LIMCH1: variants seen among roughly 807,000 people sequenced by gnomAD.
LIMCH1 encodes the protein LIM and calponin homology domains-containing protein 1.
LIMCH1 carries 113 observed loss-of-function variants against 176.5 expected under a neutral mutation model. The ratio of observed to expected loss-of-function variants is 0.64; its 90% CI spans 0.55 to 0.75. The LOEUF (loss-of-function observed/expected upper bound fraction) is 0.75, where lower values mean the gene tolerates loss of function less well. Ranked by LOEUF, LIMCH1 falls within the 30% of genes least tolerant of loss-of-function variation. LIMCH1 has a pLI of 0.00. For missense variants in LIMCH1, 1,674 were observed against 1,814.9 expected, an observed-to-expected ratio of 0.92 and a Z score of 1.41; for synonymous variants, 619 against 645.9, an observed-to-expected ratio of 0.96 and a Z score of 0.63.
chr4:41,423,058 T>G (rs1196983418), intron 1 of LIMCH1, among the ~76,000 whole-genome samples: 1 of 152,152 alleles, frequency 6.6e-6, no homozygotes, highest in Non-Finnish European at 1.5e-5. Flanking sequence ...GTACCCAGCC[T>G]GGGGATTTAA....
intron 2 of LIMCH1, among the ~76,000 whole-genome samples, chr4:41,514,879 C>T (rs751247696): frequency 2.5e-4 from 38 of 152,278 alleles, no homozygotes; most frequent in Non-Finnish European, 5.0e-4. Context: ...TTGTTTAGAA[C>T]TTGGAAGTTA....
chr4:41,631,295 AG>A lies in LIMCH1; in HGVS notation c.1420del (p.Val474Ter), dbSNP rs2093309911. ...GGCAAAAGTTTGTGCACTTTGGGCC[AG>A]TGACGGAGCTAGATCAGCAGAAATG... ...PRQKFVHFGP[V>X]TELDQQKWKR... On this transcript the variant is annotated frameshift_variant, in exon 10 of 32. Coordinates refer to ENST00000503057, the MANE Select transcript of LIMCH1 (RefSeq NM_001330672.2). LOFTEE classifies it high-confidence loss of function. 6.5e-7 allele frequency: 1 copy of A among 1,536,006 alleles called. No homozygotes were observed. The highest frequency in any genetic ancestry group is 1.4e-5 in the African/African-American group (1 of 73,042).
At chr4:41,430,892 T>TG (rs1442399411) in intron 1 of LIMCH1, among the ~76,000 whole-genome samples, 8 of 151,972 alleles carry the variant, frequency 5.3e-5, no homozygotes, top group African/African-American at 1.9e-4. Flanking sequence ...TGTTTTGTTT[T>TG]TTTTTTCTAT....
intron 18 of LIMCH1, among the ~76,000 whole-genome samples, chr4:41,654,608 G>A (rs1172883380): frequency 6.6e-6 from 1 of 152,126 alleles, no homozygotes; most frequent in Non-Finnish European, 1.5e-5. Flanking sequence ...ATCTTCATAG[G>A]CTGAGTTTAG....
At chr4:41,644,723 AAGGGAGCCCCTAG>A in intron 15 of LIMCH1, 97 bp downstream of exon 15, 1 of 1,452,584 alleles carries the variant, frequency 6.9e-7, no homozygotes, top group Non-Finnish European at 9.3e-7. Flanking sequence ...CATGCGGGGA[AAGGGAGCCCCTAG>A]AGGGTTTCAA....
At chr4:41,408,255 G>C (rs1267635152) in intron 1 of LIMCH1, among the ~76,000 whole-genome samples, 5 of 152,170 alleles carry the variant, frequency 3.3e-5, no homozygotes. Flanking sequence ...GTTGAGTAGA[G>C]ATGGCTGGGT....
intron 1 of LIMCH1, among the ~76,000 whole-genome samples, chr4:41,369,749 C>T (rs1399845474): frequency 3.3e-5 from 5 of 151,616 alleles, no homozygotes; most frequent in African/African-American, 7.3e-5. Flanking sequence ...CCAAGGACTG[C>T]GTCTTAGTCA....
rs1225987117 is a variant in LIMCH1 at position 41,597,484 on chromosome 4, A to G, written c.-240-1436A>G. Among the ~76,000 whole-genome samples the G allele has an allele frequency of 2.0e-5, 3 of 152,214 alleles. No individual in the cohort carries two copies. In the East Asian group the frequency reaches 5.8e-4, roughly 29 times the overall value. On this transcript the variant is annotated intron_variant, in intron 1 of 31. Coordinates refer to ENST00000503057, the MANE Select transcript of LIMCH1 (RefSeq NM_001330672.2). The stretch of plus-strand genomic sequence containing the variant: ...CTGCATACAACCTAATGTCTTTAAC[A>G]CCAATGGTTATCTCTCATTTTCTGA...
chr4:41,662,844 G>C lies in LIMCH1; in HGVS notation c.3151G>C (p.Val1051Leu). The C allele has an allele frequency of 6.2e-7, 1 of 1,614,008 alleles. No individual in the cohort carries two copies. Among genetic ancestry groups the C allele is most frequent in the Non-Finnish European group, 8.5e-7 (1 of 1,179,966 alleles). ...AGAACCACAGCATTTTACAACAACT[G>C]TGACTCGATGCAGCCCGACCGTGGC... Reference protein sequence around the residue: ...SSEPQHFTTTVTRCSPTVAFV... With the variant: ...SSEPQHFTTTLTRCSPTVAFV... Residue 1051 changes from valine (V) to leucine (L), a missense_variant, in exon 20 of 32, where the codon GTG becomes CTG. Val to Leu is a conservative substitution (Grantham distance 32). Around this residue, in one of 3 missense-constraint regions of LIMCH1, gnomAD observed 1,015 missense variants for 1,102.5 expected, o/e 0.92. Coordinates refer to ENST00000503057, the MANE Select transcript of LIMCH1 (RefSeq NM_001330672.2).
chr4:41,535,850 G>A (rs2077865963), upstream of LIMCH1, among the ~76,000 whole-genome samples: 1 of 152,092 alleles, frequency 6.6e-6, no homozygotes, highest in African/African-American at 2.4e-5. Context: ...GTTATATATA[G>A]CAGTGCTGTA....
At chr4:41,585,397 G>A (rs1331201870) in intron 1 of LIMCH1, among the ~76,000 whole-genome samples, 2 of 152,152 alleles carry the variant, frequency 1.3e-5, no homozygotes, top group African/African-American at 2.4e-5. Flanking sequence ...TCTTTATAAC[G>A]CTAAATACTA....
At chr4:41,402,937 T>G (rs572884746) in intron 1 of LIMCH1, among the ~76,000 whole-genome samples, 83 of 150,174 alleles carry the variant, frequency 5.5e-4, no homozygotes, top group Non-Finnish European at 9.3e-4. Context: ...GTAACTAACC[T>G]GCACATTGTG....
intron 17 of LIMCH1, among the ~76,000 whole-genome samples, chr4:41,648,937 TTGGGGCAACTTC>T (rs1467741298): frequency 1.3e-5 from 2 of 151,048 alleles, no homozygotes; most frequent in Non-Finnish European, 3.0e-5. Flanking sequence ...GCAAAATTGC[TTGGGGCAACTTC>T]TGTTTCAGTT....
rs182163356 is a variant in LIMCH1, at chr4:41,518,232, C to G, written c.168-6177C>G. Among the ~76,000 whole-genome samples, 187 of 152,242 alleles carry G rather than the reference C, an allele frequency of 1.2e-3. 2 individuals carry two copies. The highest frequency in any genetic ancestry group is 2.2e-3 in the Admixed American group (33 of 15,290). ...CCGATAACATATAAGCTGCCCATTG[C>G]TATAATTCCTAACGTCTAGATGGTC... is the stretch of plus-strand genomic sequence containing the variant. On this transcript the variant is annotated intron_variant, in intron 2 of 26. Transcript: ENST00000313860.
chr4:41,463,838 C>T (rs1191876531), intron 1 of LIMCH1, among the ~76,000 whole-genome samples: 1 of 152,010 alleles, frequency 6.6e-6, no homozygotes, highest in Admixed American at 6.5e-5. Flanking sequence ...CTCAGCCTCC[C>T]AAAGTGCTAG....
intron 1 of LIMCH1, among the ~76,000 whole-genome samples, chr4:41,382,391 C>A (rs547532163): frequency 2.3e-5 from 2 of 86,250 alleles, no homozygotes; most frequent in East Asian, 7.9e-4. Flanking sequence ...TATTCATGGG[C>A]GGGGGAGGGA....
At chr4:41,653,382 A>G (rs1407968566) in intron 18 of LIMCH1, among the ~76,000 whole-genome samples, 1 of 151,256 alleles carries the variant, frequency 6.6e-6, no homozygotes, top group East Asian at 1.9e-4. Flanking sequence ...AAATATGGTG[A>G]CCAGCTTAGA....
intron 26 of LIMCH1, among the ~76,000 whole-genome samples, chr4:41,683,466 G>A (rs1014185736): frequency 6.6e-6 from 1 of 152,176 alleles, no homozygotes; most frequent in Non-Finnish European, 1.5e-5. Flanking sequence ...CCACCAACAT[G>A]TTCTTCATGA....
At position 41,471,738 on chromosome 4, in the gene LIMCH1, G is replaced by T. The variant is rs150274411; in HGVS notation, c.97-22798G>T. Reference sequence around the variant, plus strand: ...ATTCAGTTTCAAATTAAAAAGTCAAGTGTGTGTGTTTTGTATCTGTATTGT... The same window carrying T: ...ATTCAGTTTCAAATTAAAAAGTCAATTGTGTGTGTTTTGTATCTGTATTGT... On this transcript the variant is annotated intron_variant, in intron 1 of 26. Coordinates refer to the LIMCH1 transcript ENST00000313860. Among the ~76,000 whole-genome samples the T allele has an allele frequency of 8.5e-4, 130 of 152,292 alleles. 1 individual carries two copies. The highest frequency in any genetic ancestry group is 2.6e-3 in the African/African-American group (106 of 41,560).
Sources: allele counts gnomAD v4.1 joint callset (sites outside exome capture counted in the v4.1 genomes callset), GRCh38; gene constraint gnomAD v4.1.1; regional missense constraint gnomAD v4.1.1; transcripts MANE v1.5; gene names NCBI Gene and HGNC (gene_info 2026-07-23, HGNC 2026-07-21).